The following SUSD3 variants were observed in gnomAD, a reference collection of about 807,000 sequenced individuals.
SUSD3 encodes sushi domain containing 3.
A neutral mutation model predicts 20.6 loss-of-function variants in SUSD3; 18 were observed. The observed-to-expected ratio is 0.87, with a 90% CI of 0.60 to 1.30. The LOEUF is 1.30. Ranked by LOEUF, SUSD3 falls within the 50% of genes most tolerant of loss-of-function variation. The pLI, the probability that SUSD3 is intolerant of heterozygous loss-of-function variation, is 0.00. For missense variants in SUSD3, 306 were observed against 346.9 expected (o/e 0.88, Z 0.94); for synonymous variants, 137 against 141.5 (o/e 0.97, Z 0.23).
At chr9:93,083,767 A>G (rs919847260) in intron 4 of SUSD3, among the ~76,000 whole-genome samples, 10 of 152,036 alleles carry the variant, frequency 6.6e-5, no homozygotes, top group Admixed American at 3.3e-4. Context: ...CTTAATTCCT[A>G]CTACTTACTA....
chr9:93,069,055 G>A (rs1825821645), intron 1 of SUSD3: 6 of 699,986 alleles, frequency 8.6e-6, no homozygotes, highest in South Asian at 3.0e-5. Flanking sequence ...CCCTTCTTGC[G>A]ATGATGTGAG....
intron 1 of SUSD3, among the ~76,000 whole-genome samples, chr9:93,072,796 T>C (rs1825962287): frequency 6.6e-6 from 1 of 152,232 alleles, no homozygotes; most frequent in South Asian, 2.1e-4. Context: ...TGCTGGCCAA[T>C]TGGTTGTGGA....
At chr9:93,064,239 G>C (rs1587896747) in intron 1 of SUSD3, among the ~76,000 whole-genome samples, 1 of 152,176 alleles carries the variant, frequency 6.6e-6, no homozygotes, top group Non-Finnish European at 1.5e-5. Flanking sequence ...ATAGAGACAG[G>C]GTTTCACCAT....
intron 1 of SUSD3, among the ~76,000 whole-genome samples, chr9:93,067,154 CAT>C (rs1225432656): frequency 1.3e-5 from 2 of 152,216 alleles, no homozygotes; most frequent in Non-Finnish European, 1.5e-5. Context: ...CTGGACATTT[CAT>C]ATGAGTGTCA....
chr9:93,063,528 A>AG (rs1209600535), intron 1 of SUSD3, among the ~76,000 whole-genome samples: 11 of 152,268 alleles, frequency 7.2e-5, no homozygotes, highest in Admixed American at 7.2e-4. Flanking sequence ...GGGGGCTAAG[A>AG]GGGGGCATTG....
chr9:93,078,123 T>G, intron 3 of SUSD3, 130 bp downstream of exon 3: 2 of 1,284,154 alleles, frequency 1.6e-6, no homozygotes, highest in Non-Finnish European at 1.1e-6. Context: ...CCACTGCTGC[T>G]CTGGGCCTGC....
At chr9:93,064,405 G>C (rs929044530) in intron 1 of SUSD3, among the ~76,000 whole-genome samples, 1 of 152,190 alleles carries the variant, frequency 6.6e-6, no homozygotes, top group Admixed American at 6.5e-5. Flanking sequence ...GACAGGCTCT[G>C]GGGATGCTGG....
intron 3 of SUSD3, 133 bp downstream of exon 3, chr9:93,078,126 G>T: frequency 8.0e-7 from 1 of 1,247,886 alleles, no homozygotes; most frequent in Non-Finnish European, 1.1e-6. Context: ...CTGCTGCTCT[G>T]GGCCTGCGTC....
At chr9:93,073,499 C>T (rs1386646846) in intron 1 of SUSD3, among the ~76,000 whole-genome samples, 3 of 152,138 alleles carry the variant, frequency 2.0e-5, no homozygotes, top group East Asian at 1.9e-4. Flanking sequence ...CCGCCCGCCT[C>T]GGCCTCCCAA....
chr9:93,076,795 G>A (rs1289759902), intron 2 of SUSD3, among the ~76,000 whole-genome samples: 1 of 152,236 alleles, frequency 6.6e-6, no homozygotes, highest in African/African-American at 2.4e-5. Flanking sequence ...TAGGCTCCAT[G>A]GCAGTGGGAG....
chr9:93,063,805 T>A (rs1289705766), intron 1 of SUSD3, among the ~76,000 whole-genome samples: 1 of 152,046 alleles, frequency 6.6e-6, no homozygotes, highest in East Asian at 1.9e-4. Flanking sequence ...CATGAGACCC[T>A]TCTTCTGGTC....
chr9:93,066,772 A>G (rs1825731301), intron 1 of SUSD3, among the ~76,000 whole-genome samples: 1 of 151,486 alleles, frequency 6.6e-6, no homozygotes, highest in African/African-American at 2.4e-5. Context: ...GCAGTGGCAC[A>G]ATCTTGGCTC....
chr9:93,062,062 A>G (rs1212508382), intron 1 of SUSD3, among the ~76,000 whole-genome samples: 1 of 152,222 alleles, frequency 6.6e-6, no homozygotes, highest in Non-Finnish European at 1.5e-5. Flanking sequence ...TTGTTCTCAG[A>G]CGCCCGGCTG....
chr9:93,069,269 A>G, intron 1 of SUSD3: 1 of 615,464 alleles, frequency 1.6e-6, no homozygotes, highest in Non-Finnish European at 3.0e-6. Flanking sequence ...ACCCCCTGAT[A>G]CTGCAGTGCT....
intron 1 of SUSD3, chr9:93,069,183 T>C: frequency 1.4e-6 from 1 of 701,252 alleles, no homozygotes; most frequent in Non-Finnish European, 2.6e-6. Flanking sequence ...CTGAGTGTTG[T>C]GATGAAATCT....
intron 4 of SUSD3, among the ~76,000 whole-genome samples, chr9:93,081,271 C>T (rs749130906): frequency 5.9e-5 from 9 of 152,186 alleles, no homozygotes; most frequent in Non-Finnish European, 8.8e-5. Flanking sequence ...TGGAGAACAG[C>T]GCTTAGACAC....
chr9:93,068,513 A>G (rs983327441), intron 1 of SUSD3, among the ~76,000 whole-genome samples: 3 of 152,184 alleles, frequency 2.0e-5, no homozygotes, highest in Non-Finnish European at 4.4e-5. Flanking sequence ...TCTCAGTTCT[A>G]TTCTGTTGGC....
At chr9:93,058,909 C>A in intron 1 of SUSD3, 79 bp downstream of exon 1, 1 of 862,350 alleles carries the variant, frequency 1.2e-6, no homozygotes, top group Non-Finnish European at 1.6e-6. Context: ...GAGGGGGTCG[C>A]GGGGCCGCAC....
At chr9:93,076,303 ATGTT>A (rs1826163412) in intron 2 of SUSD3, among the ~76,000 whole-genome samples, 2 of 136,546 alleles carry the variant, frequency 1.5e-5, no homozygotes, top group African/African-American at 3.4e-5. Context: ...GCAGGAAACT[ATGTT>A]TGTTCATTCA....
Sources: allele counts gnomAD v4.1 joint callset (sites outside exome capture counted in the v4.1 genomes callset), GRCh38; gene constraint gnomAD v4.1.1; transcripts MANE v1.5; gene names NCBI Gene and HGNC (gene_info 2026-07-23, HGNC 2026-07-21).